Variants in ZNF366 observed in about 807,000 individuals in gnomAD.
The protein encoded by ZNF366 is dendritic cell-specific transcript protein.
A neutral mutation model predicts 47.2 loss-of-function variants in ZNF366; 20 were observed. That is an observed-to-expected ratio of 0.42 (90% CI 0.30 to 0.62). ZNF366 has a LOEUF of 0.62. Among genes scored for constraint, ZNF366 ranks in the 20% least tolerant of loss-of-function variants. ZNF366 has a pLI of 0.16. For missense variants in ZNF366, 987 were observed against 976.3 expected, an observed-to-expected ratio of 1.01 and a Z score of -0.15; for synonymous variants, 421 against 395.1, an observed-to-expected ratio of 1.07 and a Z score of -0.78.
At chr5:72,494,193 T>C (rs1436806273) in intron 1 of ZNF366, 1 of 152,180 alleles carries the variant, frequency 6.6e-6, no homozygotes, top group Non-Finnish European at 1.5e-5. Context: ...GACATCTACA[T>C]ACAGACTTTT....
intron 1 of ZNF366, among the ~76,000 whole-genome samples, chr5:72,475,905 A>G (rs1020985994): frequency 2.6e-5 from 4 of 152,096 alleles, no homozygotes; most frequent in Admixed American, 2.6e-4. Flanking sequence ...ATGAACAAGG[A>G]GCAGGATCTG....
chr5:72,459,672 C>G (rs1022361476), intron 2 of ZNF366, among the ~76,000 whole-genome samples: 1 of 152,304 alleles, frequency 6.6e-6, no homozygotes, highest in Admixed American at 6.5e-5. Flanking sequence ...GGAGAACTTG[C>G]ATATGAAGCA....
chr5:72,443,602 G>T lies in ZNF366; in HGVS notation c.*154C>A. On this transcript the variant is annotated 3_prime_UTR_variant, in exon 5 of 5. Coordinates refer to ENST00000318442, the MANE Select transcript of ZNF366 (RefSeq NM_152625.3). ...AAGGGCCCCGTGAATGACCTGAGAA[G>T]GCTTTCCATTACCTACATCCCTGCT... The T allele has an allele frequency of 1.2e-6, 1 of 825,384 alleles. No homozygotes were observed. The highest frequency in any genetic ancestry group is 1.8e-6 in the Non-Finnish European group (1 of 543,172). The allele number at this position is 825,384 out of a possible 1,614,324, so 51.1% of individuals were successfully genotyped here.
At chr5:72,485,713 A>G (rs1198524252) in intron 1 of ZNF366, among the ~76,000 whole-genome samples, 1 of 152,150 alleles carries the variant, frequency 6.6e-6, no homozygotes, top group Non-Finnish European at 1.5e-5. Context: ...GTGATTTTCC[A>G]TCTATTTCAG....
chr5:72,477,963 A>T (rs1196553052), intron 1 of ZNF366, among the ~76,000 whole-genome samples: 2 of 152,070 alleles, frequency 1.3e-5, no homozygotes, highest in Admixed American at 1.3e-4. Context: ...TATTGCAAAC[A>T]GTTGTTGAGC....
At chr5:72,476,369 G>A (rs1743675308) in intron 1 of ZNF366, among the ~76,000 whole-genome samples, 1 of 152,072 alleles carries the variant, frequency 6.6e-6, no homozygotes. Context: ...GATTCTCATG[G>A]CCATCCTAGG....
Position 72,447,122 on chromosome 5 carries a change from C to T in ZNF366, c.1699+121G>A. The T allele has an allele frequency of 8.1e-6, 9 of 1,117,644 alleles. No homozygotes were observed. The South Asian group carries it at 9.5e-5, about 12-fold the overall frequency. The allele number at this position is 1,117,644 out of a possible 1,614,324, so 69.2% of individuals were successfully genotyped here. A position where few individuals can be genotyped will look rare whatever the true frequency, so the allele number is the denominator to read the frequency against. On this transcript the variant is annotated intron_variant, in intron 4 of 4. Coordinates refer to ENST00000318442, the MANE Select transcript of ZNF366 (RefSeq NM_152625.3). The stretch of plus-strand genomic sequence containing the variant: ...TTTCTAGTAACATTATAAGGTTACT[C>T]TTGCTACTCTGCTGTGGTCTTGACA...
At chr5:72,469,887 A>C (rs1210411296) in intron 1 of ZNF366, among the ~76,000 whole-genome samples, 3 of 152,050 alleles carry the variant, frequency 2.0e-5, no homozygotes, top group African/African-American at 7.2e-5. Flanking sequence ...AATAACAACA[A>C]CAAAAAACTT....
Position 72,443,506 on chromosome 5 carries a change from C to T in ZNF366, c.*250G>A, listed in dbSNP as rs960455692. On this transcript the variant is annotated 3_prime_UTR_variant, in exon 5 of 5. Coordinates refer to ENST00000318442, the MANE Select transcript of ZNF366 (RefSeq NM_152625.3). Reference sequence around the variant, plus strand: ...TTACAATTAGATATCTGGAAGAATACTCACAGTTTATTATACTGGCAATGC... The same window carrying T: ...TTACAATTAGATATCTGGAAGAATATTCACAGTTTATTATACTGGCAATGC... 16 of 414,218 alleles carry T rather than the reference C, an allele frequency of 3.9e-5. No individual in the cohort carries two copies. Among genetic ancestry groups the T allele is most frequent in the Non-Finnish European group, 6.4e-5 (15 of 233,784 alleles). The allele number at this position is 414,218 out of a possible 1,614,324, so 25.7% of individuals were successfully genotyped here. A position where few individuals can be genotyped will look rare whatever the true frequency, so the allele number is the denominator to read the frequency against.
At position 72,460,912 on chromosome 5, in the gene ZNF366, G is replaced by A; in HGVS notation, c.585C>T (p.Pro195=). The A allele has an allele frequency of 6.2e-7, 1 of 1,612,388 alleles. No homozygotes were observed. Among genetic ancestry groups the A allele is most frequent in the East Asian group, 2.2e-5 (1 of 44,828 alleles). Residue 195 remains proline, a synonymous_variant, in exon 2 of 5, where the codon CCC becomes CCT. Coordinates refer to ENST00000318442, the MANE Select transcript of ZNF366 (RefSeq NM_152625.3). Reference sequence around the variant, plus strand: ...GGAAGGTGTGCCGGCTGAAGGGGAAGGGCGAGGACGAGGGCACGAAGAAGG... The same window carrying A: ...GGAAGGTGTGCCGGCTGAAGGGGAAAGGCGAGGACGAGGGCACGAAGAAGG... ...MFPFFVPSSS[P]FPFSRHTFLP...
At chr5:72,502,694 A>T (rs1744232419) in intron 1 of ZNF366, among the ~76,000 whole-genome samples, 1 of 152,270 alleles carries the variant, frequency 6.6e-6, no homozygotes, top group Non-Finnish European at 1.5e-5. Flanking sequence ...TAAAAAAATA[A>T]GAAACAAAAC....
At chr5:72,498,166 T>G (rs1298442464) in intron 1 of ZNF366, among the ~76,000 whole-genome samples, 1 of 152,228 alleles carries the variant, frequency 6.6e-6, no homozygotes, top group African/African-American at 2.4e-5. Flanking sequence ...ATGTTTTCTT[T>G]AAGACTTTTT....
At chr5:72,468,480 A>G (rs1743480478) in intron 1 of ZNF366, among the ~76,000 whole-genome samples, 1 of 152,240 alleles carries the variant, frequency 6.6e-6, no homozygotes, top group Non-Finnish European at 1.5e-5. Flanking sequence ...CACAAAATCA[A>G]TTTTTGAAAG....
intron 1 of ZNF366, among the ~76,000 whole-genome samples, chr5:72,465,200 G>A (rs1315643251): frequency 1.3e-5 from 2 of 152,176 alleles, no homozygotes; most frequent in Non-Finnish European, 2.9e-5. Context: ...CAGAGGTCAA[G>A]GAGAACTAGA....
intron 4 of ZNF366, among the ~76,000 whole-genome samples, chr5:72,445,886 C>T (rs955816497): frequency 6.6e-6 from 1 of 152,172 alleles, no homozygotes; most frequent in Non-Finnish European, 1.5e-5. Context: ...TTTTTCAGGG[C>T]TTTTGCACAA....
In ZNF366 at chr5:72,443,755, C is replaced by T. The variant is rs1561187208; in HGVS notation, c.*1G>A. ...CCAAATGTAATTTTAAAACTGTCCA[C>T]TTAGATACCTAAAAGCACTGCTTGT... is the stretch of plus-strand genomic sequence containing the variant. On this transcript the variant is annotated 3_prime_UTR_variant, in exon 5 of 5. Transcript: ENST00000318442. 6.2e-7 allele frequency: 1 copy of T among 1,608,460 alleles called. No individual in the cohort carries two copies. The highest frequency in any genetic ancestry group is 2.2e-5 in the East Asian group (1 of 44,784).
At chr5:72,506,484 T>C (rs2112362444) in intron 1 of ZNF366, among the ~76,000 whole-genome samples, 1 of 152,364 alleles carries the variant, frequency 6.6e-6, no homozygotes. Context: ...TGCTTTTCAA[T>C]TGCGTCTGTA....
chr5:72,502,241 A>G (rs1399771549), intron 1 of ZNF366, among the ~76,000 whole-genome samples: 1 of 152,210 alleles, frequency 6.6e-6, no homozygotes, highest in Non-Finnish European at 1.5e-5. Flanking sequence ...TTTCTTGTGA[A>G]CTTATGTATT....
chr5:72,454,355 G>A (rs1236190190), intron 3 of ZNF366, among the ~76,000 whole-genome samples: 1 of 152,194 alleles, frequency 6.6e-6, no homozygotes, highest in Non-Finnish European at 1.5e-5. Flanking sequence ...TAATACTAGA[G>A]AGAACCCTCT....
Sources: allele counts gnomAD v4.1 joint callset (sites outside exome capture counted in the v4.1 genomes callset), GRCh38; gene constraint gnomAD v4.1.1; transcripts MANE v1.5; gene names NCBI Gene and HGNC (gene_info 2026-07-23, HGNC 2026-07-21).